The following NFASC variants were observed in gnomAD, a reference collection of about 807,000 sequenced individuals.
The protein encoded by NFASC is neurofascin homolog.
Under a neutral mutation model 147.5 loss-of-function variants are expected in NFASC, and 43 were observed. The observed-to-expected ratio is 0.29, with a 90% CI of 0.23 to 0.38. NFASC has a LOEUF of 0.38. NFASC is among the 10% of genes least tolerant of loss of function. NFASC has a pLI of 1.00. For missense variants in NFASC, 1,320 were observed against 1,689.0 expected (o/e 0.78, Z 3.83); for synonymous variants, 622 against 665.5 (o/e 0.93, Z 1.01).
At chr1:204,961,967 T>G in intron 8 of NFASC, 1 of 650,070 alleles carries the variant, frequency 1.5e-6, no homozygotes, top group South Asian at 1.9e-5. Context: ...TTTCCAAATA[T>G]GCCGTGTCTT....
intron 28 of NFASC, among the ~76,000 whole-genome samples, chr1:205,012,105 G>A (rs932994522): frequency 1.3e-5 from 2 of 152,192 alleles, no homozygotes; most frequent in African/African-American, 2.4e-5. Flanking sequence ...CTGTGCATCC[G>A]CCTCTGTGCT....
chr1:204,959,368 C>G (rs2094561832), intron 8 of NFASC, among the ~76,000 whole-genome samples: 1 of 152,200 alleles, frequency 6.6e-6, no homozygotes, highest in Non-Finnish European at 1.5e-5. Flanking sequence ...TTTCTCATTC[C>G]TGACCCAAGC....
intron 1 of NFASC, among the ~76,000 whole-genome samples, chr1:204,845,295 C>CAAAAAAA (rs35773017): frequency 7.1e-5 from 10 of 140,536 alleles, no homozygotes; most frequent in African/African-American, 2.1e-4. Context: ...TACTAAAATA[C>CAAAAAAA]AAAAAAAAAA....
intron 7 of NFASC, among the ~76,000 whole-genome samples, chr1:204,957,379 G>T (rs75781571): frequency 6.6e-6 from 1 of 152,202 alleles, no homozygotes; most frequent in Non-Finnish European, 1.5e-5. Flanking sequence ...AAAGAGAAAA[G>T]TGTGGTCATA....
chr1:204,957,636 G>A lies in NFASC; in HGVS notation c.536-20G>A, dbSNP rs368895617. 67 of 1,612,316 alleles carry A rather than the reference G, an allele frequency of 4.2e-5. No homozygotes were observed. The highest frequency in any genetic ancestry group is 1.3e-4 in the South Asian group (12 of 91,028). ...CTGTTATTACTACTAACCTGCTGCC[G>A]TACCTCTGCTTTCTTATAGCCATGG... On this transcript the variant is annotated intron_variant, in intron 7 of 29. Coordinates refer to ENST00000339876, the MANE Select transcript of NFASC (RefSeq NM_001005388.3).
At chr1:204,948,560 T>C in intron 3 of NFASC, 1 of 518,150 alleles carries the variant, frequency 1.9e-6, no homozygotes, top group Non-Finnish European at 3.9e-6. Context: ...CTCACCTCTC[T>C]GGCCAAGGAT....
rs16854577 is a variant in NFASC at position 204,867,309 on chromosome 1, A to G, written c.-200+38527A>G. On this transcript the variant is annotated intron_variant, in intron 1 of 29. Transcript: ENST00000339876. ...ATACAATACCCATATCCAGATAGGC[A>G]TATGTGCCCACAAACACACATACAG... Among the ~76,000 whole-genome samples the G allele has an allele frequency of 5.0e-3, 767 of 152,204 alleles. 6 individuals carry two copies. Among genetic ancestry groups the G allele is most frequent in the African/African-American group, 0.018 (727 of 41,492 alleles).
At chr1:204,990,212 T>C (rs938189670) in intron 23 of NFASC, 1 of 152,280 alleles carries the variant, frequency 6.6e-6, no homozygotes, top group African/African-American at 2.4e-5. Context: ...TCCCTCCTGC[T>C]GTGCTCTTCT....
chr1:204,999,601 G>C (rs2095927632), intron 25 of NFASC: 1 of 152,108 alleles, frequency 6.6e-6, no homozygotes, highest in African/African-American at 2.4e-5. Flanking sequence ...TGGCAGACAG[G>C]CAAAGAAGCC....
At chr1:205,009,049 G>A in intron 27 of NFASC, 1 of 209,364 alleles carries the variant, frequency 4.8e-6, no homozygotes, top group Non-Finnish European at 9.8e-6. Context: ...CTGGTGGGCA[G>A]GGATGCTGCC....
chr1:204,868,944 CTT>C (rs930404772), intron 1 of NFASC, among the ~76,000 whole-genome samples: 8 of 152,228 alleles, frequency 5.3e-5, no homozygotes, highest in African/African-American at 1.9e-4. Flanking sequence ...CGGGGCAGAA[CTT>C]TGCCCCTGAC....
rs78937914 is a variant in NFASC, at chr1:204,907,296, A to G, written c.-199-13336A>G. 9.1e-3 allele frequency among the ~76,000 whole-genome samples: 1,381 copies of G among 151,092 alleles called. 23 individuals are homozygous for G. Among genetic ancestry groups the G allele is most frequent in the African/African-American group, 0.031 (1,298 of 41,358 alleles). ...TGTTTAGCAAAATGATCTTTTGCTC[A>G]TTTTTTATTAGGTTGTTTGTTTTCT... On this transcript the variant is annotated intron_variant, in intron 1 of 29. Transcript: ENST00000339876.
At chr1:204,992,609 G>C (rs2095759587) in intron 24 of NFASC, among the ~76,000 whole-genome samples, 1 of 152,160 alleles carries the variant, frequency 6.6e-6, no homozygotes, top group Non-Finnish European at 1.5e-5. Flanking sequence ...CAGGGTGAGA[G>C]CCATCCTTGC....
intron 2 of NFASC, among the ~76,000 whole-genome samples, chr1:204,937,010 G>T (rs941030923): frequency 1.3e-5 from 2 of 151,846 alleles, no homozygotes; most frequent in African/African-American, 4.8e-5. Context: ...TGCCTGGGAT[G>T]CTTTTCTGAC....
intron 2 of NFASC, among the ~76,000 whole-genome samples, chr1:204,932,519 A>C (rs558285563): frequency 1.4e-5 from 2 of 144,976 alleles, no homozygotes. Context: ...AAAGGCATTT[A>C]AAAAAAAAAA....
chr1:204,985,243 C>T (rs2095593058), intron 21 of NFASC, among the ~76,000 whole-genome samples: 1 of 152,212 alleles, frequency 6.6e-6, no homozygotes, highest in African/African-American at 2.4e-5. Flanking sequence ...ACTCATTCCA[C>T]TGCCCCCTCC....
At chr1:204,919,637 T>G (rs1287719295) in intron 1 of NFASC, among the ~76,000 whole-genome samples, 1 of 151,774 alleles carries the variant, frequency 6.6e-6, no homozygotes, top group Non-Finnish European at 1.5e-5. Context: ...CAGACACTTT[T>G]TTTGGGGGGC....
rs574933700 is a variant in NFASC at position 204,846,685 on chromosome 1, C to G, written c.-200+17903C>G. 1.8e-3 allele frequency among the ~76,000 whole-genome samples: 267 copies of G among 152,276 alleles called. 1 individual carries two copies. The highest frequency in any genetic ancestry group is 6.2e-3 in the African/African-American group (256 of 41,546). On this transcript the variant is annotated intron_variant, in intron 1 of 29. Transcript: ENST00000339876. Reference sequence around the variant, plus strand: ...AGAACCACGTGACCATCACTGCACCCTCCCGGCTGTGGCAGGGTTCCAAGC... The same window carrying G: ...AGAACCACGTGACCATCACTGCACCGTCCCGGCTGTGGCAGGGTTCCAAGC...
chr1:204,930,006 G>T (rs1006081898), intron 2 of NFASC, among the ~76,000 whole-genome samples: 1 of 152,204 alleles, frequency 6.6e-6, no homozygotes, highest in African/African-American at 2.4e-5. Context: ...GGCAGGAGGG[G>T]AAGTGGCGGA....
Sources: gnomAD v4.1 joint callset for allele counts (sites outside exome capture counted in the v4.1 genomes callset) on GRCh38, gnomAD v4.1.1 for gene constraint, MANE v1.5 for transcripts, NCBI Gene and HGNC (gene_info 2026-07-23, HGNC 2026-07-21) for gene names.